Variants in GALNTL6 observed in about 807,000 individuals in gnomAD.
GALNTL6 encodes the protein polypeptide N-acetylgalactosaminyltransferase like 6, also known as polypeptide N-acetylgalactosaminyltransferase-like 6.
GALNTL6 carries 46 observed loss-of-function variants against 73.7 expected under a neutral mutation model. The observed-to-expected ratio is 0.62, with a 90% CI of 0.49 to 0.80. GALNTL6 has a LOEUF of 0.80. Among genes scored for constraint, GALNTL6 ranks in the 30% least tolerant of loss-of-function variants. GALNTL6 has a pLI of 0.00. For missense variants in GALNTL6, 604 were observed against 755.0 expected, an observed-to-expected ratio of 0.80 and a Z score of 2.34; for synonymous variants, 259 against 263.7, an observed-to-expected ratio of 0.98 and a Z score of 0.17.
At chr4:172,179,235 A>ACT (rs1735154998) in intron 2 of GALNTL6, among the ~76,000 whole-genome samples, 1 of 151,466 alleles carries the variant, frequency 6.6e-6, no homozygotes, top group African/African-American at 2.4e-5. Context: ...CGCCACACTG[A>ACT]CTTCCACAAT....
intron 3 of GALNTL6, among the ~76,000 whole-genome samples, chr4:172,257,147 A>G (rs1738108488): frequency 6.6e-6 from 1 of 151,450 alleles, no homozygotes; most frequent in African/African-American, 2.4e-5. Flanking sequence ...ACATATATGA[A>G]GTTCTTACTT....
chr4:172,765,435 T>G (rs190621058), intron 5 of GALNTL6, among the ~76,000 whole-genome samples: 1 of 152,172 alleles, frequency 6.6e-6, no homozygotes, highest in African/African-American at 2.4e-5. Context: ...TTGGTAAATA[T>G]CTCATGGAAT....
At chr4:172,488,736 G>T (rs1400263209) in intron 5 of GALNTL6, among the ~76,000 whole-genome samples, 1 of 151,626 alleles carries the variant, frequency 6.6e-6, no homozygotes, top group East Asian at 1.9e-4. Flanking sequence ...TCCAACACTT[G>T]ATAGAAGCGT....
chr4:173,009,387 G>A, intron 11 of GALNTL6, 93 bp downstream of exon 11: 1 of 797,414 alleles, frequency 1.3e-6, no homozygotes, highest in Non-Finnish European at 2.2e-6. Flanking sequence ...TCCGAATGGT[G>A]CAGATGGTAC....
chr4:172,954,146 T>A (rs2610195), intron 10 of GALNTL6, among the ~76,000 whole-genome samples: 93,769 of 152,080 alleles, frequency 0.62, 29,686 homozygotes, highest in African/African-American at 0.77. Context: ...CTTATGTGGA[T>A]ATGTGAATTT....
At chr4:172,832,339 T>C (rs948573660) in intron 7 of GALNTL6, among the ~76,000 whole-genome samples, 1 of 152,168 alleles carries the variant, frequency 6.6e-6, no homozygotes, top group African/African-American at 2.4e-5. Context: ...AGACAGAAAG[T>C]ACGCGGTTCC....
intron 2 of GALNTL6, among the ~76,000 whole-genome samples, chr4:171,828,299 G>A (rs1734877902): frequency 2.0e-5 from 3 of 152,162 alleles, no homozygotes; most frequent in African/African-American, 4.8e-5. Context: ...CATCTGTCTA[G>A]TAAATCGCTA....
chr4:172,465,873 A>G (rs1034584858), intron 5 of GALNTL6, among the ~76,000 whole-genome samples: 2 of 152,246 alleles, frequency 1.3e-5, no homozygotes, highest in East Asian at 3.8e-4. Context: ...AATAATTTTT[A>G]CTAAGATGTT....
chr4:172,301,216 A>G (rs1739905423), intron 3 of GALNTL6, among the ~76,000 whole-genome samples: 1 of 152,146 alleles, frequency 6.6e-6, no homozygotes, highest in Non-Finnish European at 1.5e-5. Context: ...TTTCAGCTCC[A>G]TCAGGTCCTT....
At chr4:172,568,529 G>A (rs1202645053) in intron 5 of GALNTL6, among the ~76,000 whole-genome samples, 2 of 151,856 alleles carry the variant, frequency 1.3e-5, no homozygotes, top group Non-Finnish European at 2.9e-5. Context: ...GGCCGAGGCG[G>A]GCGGATCACG....
chr4:172,142,590 A>G (rs573339370), intron 2 of GALNTL6, among the ~76,000 whole-genome samples: 3 of 152,178 alleles, frequency 2.0e-5, no homozygotes, highest in African/African-American at 7.2e-5. Context: ...CTATACCAGA[A>G]TTAAAACTCC....
intron 2 of GALNTL6, among the ~76,000 whole-genome samples, chr4:172,093,680 C>T (rs1290902514): frequency 6.6e-6 from 1 of 152,154 alleles, no homozygotes; most frequent in Admixed American, 6.5e-5. Flanking sequence ...GCATTAGATT[C>T]TCATGGGAGC....
At chr4:172,081,495 G>A (rs1266771405) in intron 2 of GALNTL6, among the ~76,000 whole-genome samples, 1 of 152,170 alleles carries the variant, frequency 6.6e-6, no homozygotes, top group Non-Finnish European at 1.5e-5. Context: ...AAAATTAGCT[G>A]GGCGTGGTAG....
chr4:172,467,438 C>T (rs1732862609), intron 5 of GALNTL6, among the ~76,000 whole-genome samples: 1 of 152,214 alleles, frequency 6.6e-6, no homozygotes, highest in African/African-American at 2.4e-5. Flanking sequence ...ATTATTTCTG[C>T]AGCTTGACTG....
chr4:171,835,505 C>G (rs1203310327), intron 2 of GALNTL6, among the ~76,000 whole-genome samples: 1 of 151,740 alleles, frequency 6.6e-6, no homozygotes, highest in Non-Finnish European at 1.5e-5. Context: ...TACTCAAGCT[C>G]TAAAATATAT....
intron 5 of GALNTL6, among the ~76,000 whole-genome samples, chr4:172,361,248 T>C (rs1231820890): frequency 6.6e-6 from 1 of 152,080 alleles, no homozygotes; most frequent in East Asian, 1.9e-4. Flanking sequence ...TATGGTAAAC[T>C]CAAGTCCTTA....
At chr4:172,155,498 C>T (rs193222915) in intron 2 of GALNTL6, among the ~76,000 whole-genome samples, 252 of 152,248 alleles carry the variant, frequency 1.7e-3, no homozygotes, top group African/African-American at 5.9e-3. Context: ...GAGTTTATGG[C>T]ATTTTGTTAT....
chr4:172,414,533 C>T (rs1207070309), intron 5 of GALNTL6, among the ~76,000 whole-genome samples: 6 of 152,108 alleles, frequency 3.9e-5, no homozygotes, highest in African/African-American at 1.4e-4. Flanking sequence ...TATCGTATTT[C>T]ATTCACACGA....
chr4:171,833,822 A>T (rs553979395), intron 2 of GALNTL6, among the ~76,000 whole-genome samples: 2 of 151,912 alleles, frequency 1.3e-5, no homozygotes, highest in Admixed American at 6.6e-5. Context: ...TTATATATAT[A>T]TTTTATTTTT....
Sources: gnomAD v4.1 joint callset for allele counts (sites outside exome capture counted in the v4.1 genomes callset) on GRCh38, gnomAD v4.1.1 for gene constraint, MANE v1.5 for transcripts, NCBI Gene and HGNC (gene_info 2026-07-23, HGNC 2026-07-21) for gene names.